The following PSMB7 variants were observed in gnomAD, a reference collection of about 807,000 sequenced individuals.
The protein encoded by PSMB7 is proteasome subunit beta type-7.
In PSMB7, 5 loss-of-function variants were observed where a neutral mutation model predicts 28.1. The ratio of observed to expected loss-of-function variants is 0.18; its 90% CI spans 0.09 to 0.37. The LOEUF is 0.37. Ranked by LOEUF, PSMB7 falls within the 10% of genes least tolerant of loss-of-function variation. The probability of loss-of-function intolerance (pLI) is 1.00; values close to 1 mark genes in which losing one functional copy is unlikely to be tolerated. For synonymous variants in PSMB7, 122 were observed against 123.7 expected (o/e 0.99, Z 0.09); for missense variants, 275 against 346.2 (o/e 0.79, Z 1.63).
chr9:124,367,010 T>A (rs1376065972), intron 6 of PSMB7, among the ~76,000 whole-genome samples: 3 of 152,244 alleles, frequency 2.0e-5, no homozygotes, highest in Non-Finnish European at 2.9e-5. Context: ...AAGCAACACA[T>A]AACTATAGTT....
intron 5 of PSMB7, among the ~76,000 whole-genome samples, chr9:124,391,412 T>C (rs1038814838): frequency 3.3e-5 from 5 of 152,210 alleles, no homozygotes; most frequent in African/African-American, 4.8e-5. Flanking sequence ...GGAGCTATCT[T>C]TTCTTAGCTC....
chr9:124,383,376 G>A (rs528682914), intron 6 of PSMB7, among the ~76,000 whole-genome samples: 10 of 152,264 alleles, frequency 6.6e-5, no homozygotes, highest in African/African-American at 1.9e-4. Flanking sequence ...TCCGAGAAGC[G>A]AAGAAATCTT....
At chr9:124,381,100 C>T (rs1215792639) in intron 6 of PSMB7, among the ~76,000 whole-genome samples, 1 of 152,156 alleles carries the variant, frequency 6.6e-6, no homozygotes, top group African/African-American at 2.4e-5. Context: ...CACTTACAGA[C>T]CCTCTCAACT....
chr9:124,363,433 G>A (rs775523598), intron 6 of PSMB7, among the ~76,000 whole-genome samples: 3 of 152,242 alleles, frequency 2.0e-5, no homozygotes, highest in Non-Finnish European at 2.9e-5. Context: ...TCCCTGCACT[G>A]AGTCACAGAC....
At chr9:124,392,396 T>G (rs1830796026) in intron 5 of PSMB7, among the ~76,000 whole-genome samples, 1 of 152,120 alleles carries the variant, frequency 6.6e-6, no homozygotes, top group African/African-American at 2.4e-5. Context: ...GCTGCCAAAG[T>G]TGCTCCAGGA....
At chr9:124,357,186 G>T (rs914702340) in intron 6 of PSMB7, among the ~76,000 whole-genome samples, 1 of 152,144 alleles carries the variant, frequency 6.6e-6, no homozygotes. Context: ...TTACTAGAGG[G>T]TTAGTAACTT....
chr9:124,401,150 C>A (rs1228214577), intron 5 of PSMB7, among the ~76,000 whole-genome samples: 2 of 152,198 alleles, frequency 1.3e-5, no homozygotes, highest in African/African-American at 4.8e-5. Flanking sequence ...ACAGTGGTTA[C>A]TCTGGAGGGA....
intron 6 of PSMB7, among the ~76,000 whole-genome samples, chr9:124,373,730 A>G (rs1361516124): frequency 1.3e-5 from 2 of 152,232 alleles, no homozygotes; most frequent in Non-Finnish European, 2.9e-5. Flanking sequence ...AGTCTTGGTG[A>G]CAATCAAGGA....
intron 7 of PSMB7, 56 bp from the exon 8 acceptor site, chr9:124,353,765 G>A: frequency 2.3e-6 from 3 of 1,278,138 alleles, no homozygotes; most frequent in Admixed American, 1.7e-5. Context: ...GTGCCAGAGG[G>A]CAGAAGACAG....
At chr9:124,370,253 T>C (rs1452346917) in intron 6 of PSMB7, among the ~76,000 whole-genome samples, 1 of 150,466 alleles carries the variant, frequency 6.6e-6, no homozygotes, top group African/African-American at 2.4e-5. Flanking sequence ...GCTTTCACAA[T>C]AGCAGAAGGT....
At chr9:124,393,954 C>A (rs910614096) in intron 5 of PSMB7, among the ~76,000 whole-genome samples, 15 of 152,232 alleles carry the variant, frequency 9.9e-5, no homozygotes, top group Admixed American at 9.2e-4. Flanking sequence ...GAGGCCACAC[C>A]GGGAAACCGA....
chr9:124,410,907 C>T (rs1831021474), intron 4 of PSMB7, among the ~76,000 whole-genome samples: 1 of 152,190 alleles, frequency 6.6e-6, no homozygotes, highest in Non-Finnish European at 1.5e-5. Flanking sequence ...AGGCAACAAC[C>T]ACCAATGAGT....
intron 5 of PSMB7, among the ~76,000 whole-genome samples, chr9:124,399,645 C>T (rs142982772): frequency 6.6e-6 from 1 of 152,196 alleles, no homozygotes; most frequent in Admixed American, 6.5e-5. Context: ...CAAATGAAGG[C>T]GTGACTGCAA....
At chr9:124,377,502 C>T (rs1044343623) in intron 6 of PSMB7, among the ~76,000 whole-genome samples, 2 of 152,224 alleles carry the variant, frequency 1.3e-5, no homozygotes, top group African/African-American at 4.8e-5. Context: ...AAAAAACACA[C>T]ACACAGTTAC....
In PSMB7 at chr9:124,408,568, T is replaced by C. The variant is rs367583354; in HGVS notation, c.396-3136A>G. On this transcript the variant is annotated intron_variant, in intron 4 of 7. Coordinates refer to ENST00000259457, the MANE Select transcript of PSMB7 (RefSeq NM_002799.4). Reference sequence around the variant, plus strand: ...AGCCCTCTTAAAAATTGATTAAAATTGTGGAAATTTTCCCCCATAAGAGTA... The same window carrying C: ...AGCCCTCTTAAAAATTGATTAAAATCGTGGAAATTTTCCCCCATAAGAGTA... Among the ~76,000 whole-genome samples, 9 of 152,014 alleles carry C rather than the reference T, an allele frequency of 5.9e-5. No individual in the cohort carries two copies. In the East Asian group the frequency reaches 1.7e-3, roughly 29 times the overall value.
At chr9:124,412,983 G>T (rs1017396062) in intron 3 of PSMB7, among the ~76,000 whole-genome samples, 1 of 151,442 alleles carries the variant, frequency 6.6e-6, no homozygotes, top group African/African-American at 2.4e-5. Flanking sequence ...AAAATCCTAC[G>T]GGAAACCGGA....
intron 6 of PSMB7, among the ~76,000 whole-genome samples, chr9:124,360,803 G>A (rs954315173): frequency 3.3e-5 from 5 of 152,264 alleles, no homozygotes; most frequent in Middle Eastern, 3.4e-3. Flanking sequence ...TTACTCTCCC[G>A]CTCTGTAATA....
intron 6 of PSMB7, among the ~76,000 whole-genome samples, chr9:124,368,325 T>C (rs1456429507): frequency 6.6e-6 from 1 of 152,256 alleles, no homozygotes; most frequent in Non-Finnish European, 1.5e-5. Flanking sequence ...TGCGGGTTTC[T>C]CTTTTTAAAG....
chr9:124,395,851 G>GAAAAGGCAGTCACTGGCTGT (rs1208051947), intron 5 of PSMB7, among the ~76,000 whole-genome samples: 24 of 152,322 alleles, frequency 1.6e-4, no homozygotes, highest in African/African-American at 5.8e-4. Context: ...GGGGTTTTCA[G>GAAAAGGCAGTCACTGGCTGT]AAAAGGCAGT....
Sources: allele counts gnomAD v4.1 joint callset (sites outside exome capture counted in the v4.1 genomes callset), GRCh38; gene constraint gnomAD v4.1.1; transcripts MANE v1.5; gene names NCBI Gene and HGNC (gene_info 2026-07-23, HGNC 2026-07-21).